The following ADGRG7 variants were observed in gnomAD, a reference collection of about 807,000 sequenced individuals.
ADGRG7 encodes G-protein coupled receptor 128.
ADGRG7 carries 82 observed loss-of-function variants against 88.6 expected under a neutral mutation model. The ratio of observed to expected loss-of-function variants is 0.93; its 90% CI spans 0.77 to 1.11. The LOEUF (loss-of-function observed/expected upper bound fraction) is 1.11, where lower values mean the gene tolerates loss of function less well. Ranked by LOEUF, ADGRG7 falls within the 50% of genes most tolerant of loss-of-function variation. The pLI is 0.00. For synonymous variants in ADGRG7, 381 were observed against 345.2 expected (o/e 1.10, Z -1.15); for missense variants, 945 against 953.4 (o/e 0.99, Z 0.12).
intron 14 of ADGRG7, among the ~76,000 whole-genome samples, chr3:100,662,218 T>A (rs1324803803): frequency 6.6e-6 from 1 of 152,136 alleles, no homozygotes; most frequent in Non-Finnish European, 1.5e-5. Context: ...TGGAAATTTT[T>A]AGCTAAAGTG....
chr3:100,629,821 AC>A, intron 2 of ADGRG7, 110 bp downstream of exon 2: 3 of 699,518 alleles, frequency 4.3e-6, no homozygotes, highest in Non-Finnish European at 7.4e-6. Context: ...GAAACAATGG[AC>A]ATAATGATGA....
At chr3:100,653,131 T>C (rs2094932130) in intron 11 of ADGRG7, among the ~76,000 whole-genome samples, 1 of 152,216 alleles carries the variant, frequency 6.6e-6, no homozygotes, top group South Asian at 2.1e-4. Context: ...GCAGAAAAGA[T>C]ATGTGAAATA....
At chr3:100,669,459 G>T (rs1329967510) in intron 15 of ADGRG7, among the ~76,000 whole-genome samples, 1 of 146,910 alleles carries the variant, frequency 6.8e-6, no homozygotes, top group African/African-American at 2.5e-5. Flanking sequence ...GCTTGAACCC[G>T]GGAGGCGGAG....
chr3:100,640,832 T>G (rs60938133), intron 6 of ADGRG7, among the ~76,000 whole-genome samples: 12,001 of 152,176 alleles, frequency 0.079, 685 homozygotes, highest in East Asian at 0.25. Flanking sequence ...GACCTCACCA[T>G]TGTAGACATT....
chr3:100,633,249 T>G lies in ADGRG7; in HGVS notation c.335-16T>G. ...ATAAATACTTATTTTTAATAAAAAA[T>G]TTCTTTGTATTAAAGCGGGCAATCC... On this transcript the variant is annotated splice_polypyrimidine_tract_variant and intron_variant, in intron 3 of 15. Transcript: ENST00000273352. The G allele has an allele frequency of 7.8e-7, 1 of 1,282,466 alleles. No homozygotes were observed. 79.4% of individuals were successfully genotyped at this position (1,282,466 alleles called of 1,614,324 possible).
Position 100,629,667 on chromosome 3 carries a change from G to T in ADGRG7, c.185G>T (p.Arg62Ile). The T allele has an allele frequency of 1.2e-6, 2 of 1,613,288 alleles. No homozygotes were observed. The highest frequency in any genetic ancestry group is 1.7e-4 in the Middle Eastern group (1 of 6,058). ...AATGGTGGAACCTGGGAAAATGGCAGATGTATTTGTACAGAAGAGTGGAAA... is the reference window on the plus strand; with the variant it reads ...AATGGTGGAACCTGGGAAAATGGCATATGTATTTGTACAGAAGAGTGGAAA... ...CRNGGTWENGRCICTEEWKGL... is the reference protein window; with the variant it reads ...CRNGGTWENGICICTEEWKGL... Residue 62 changes from arginine (R) to isoleucine (I), a missense_variant, in exon 2 of 16, where the codon AGA becomes ATA. Physicochemically the swap from Arg to Ile is moderately conservative, Grantham distance 97. Transcript: ENST00000273352.
At chr3:100,676,720 G>A (rs929923531) in intron 15 of ADGRG7, among the ~76,000 whole-genome samples, 10 of 151,838 alleles carry the variant, frequency 6.6e-5, no homozygotes, top group South Asian at 2.1e-4. Context: ...AGCTATTGTC[G>A]TATTAGGGTA....
intron 1 of ADGRG7, among the ~76,000 whole-genome samples, chr3:100,622,453 T>A (rs1707327180): frequency 6.6e-6 from 1 of 152,164 alleles, no homozygotes; most frequent in Admixed American, 6.5e-5. Context: ...TAGTGGGATG[T>A]GAAATGATAT....
chr3:100,665,471 A>G (rs2094950557), intron 14 of ADGRG7: 1 of 528,906 alleles, frequency 1.9e-6, no homozygotes, highest in African/African-American at 1.9e-5. Flanking sequence ...CCAAAGACTC[A>G]CTCATTTCCT....
chr3:100,677,159 T>C (rs1181549047), intron 15 of ADGRG7, among the ~76,000 whole-genome samples: 4 of 152,020 alleles, frequency 2.6e-5, no homozygotes, highest in African/African-American at 7.2e-5. Context: ...TCTCCTCTTC[T>C]TTTCTGTCTT....
intron 15 of ADGRG7, among the ~76,000 whole-genome samples, chr3:100,689,734 C>T (rs902489980): frequency 1.2e-4 from 18 of 152,136 alleles, no homozygotes; most frequent in South Asian, 2.1e-4. Context: ...GAGTTTCTGC[C>T]GAGAGATGTG....
intron 1 of ADGRG7, among the ~76,000 whole-genome samples, chr3:100,621,026 A>T (rs556312283): frequency 6.6e-6 from 1 of 152,170 alleles, no homozygotes; most frequent in East Asian, 1.9e-4. Context: ...CTTTGATGTT[A>T]CTATTGCAAT....
intron 10 of ADGRG7, among the ~76,000 whole-genome samples, chr3:100,647,092 G>A (rs1707765084): frequency 6.6e-6 from 1 of 151,450 alleles, no homozygotes. Context: ...GGGAGACAGA[G>A]GTTGCAGAGA....
At chr3:100,653,585 T>C (rs1044280651) in intron 11 of ADGRG7, among the ~76,000 whole-genome samples, 1 of 152,214 alleles carries the variant, frequency 6.6e-6, no homozygotes, top group African/African-American at 2.4e-5. Context: ...TTAAAAAAAC[T>C]GCCCCAAAAC....
chr3:100,619,994 T>C (rs1707284234), intron 1 of ADGRG7, among the ~76,000 whole-genome samples: 3 of 152,314 alleles, frequency 2.0e-5, no homozygotes, highest in Middle Eastern at 3.4e-3. Flanking sequence ...GAGGAGCTGG[T>C]ACCATTCCTT....
intron 8 of ADGRG7, among the ~76,000 whole-genome samples, chr3:100,645,494 C>T (rs561546927): frequency 6.6e-5 from 10 of 152,292 alleles, no homozygotes; most frequent in Admixed American, 6.5e-5. Flanking sequence ...AACAGGAGAC[C>T]GACCTCATCT....
In ADGRG7 at chr3:100,694,874, G is replaced by T; in HGVS notation, c.2267G>T (p.Arg756Leu). 3 of 1,614,158 alleles carry T rather than the reference G, an allele frequency of 1.9e-6. No homozygotes were observed. Among genetic ancestry groups the T allele is most frequent in the Non-Finnish European group, 2.5e-6 (3 of 1,180,036 alleles). ...CCTTCAGTGACGCGGCCGAGGCTGC[G>T]TGTAAAGATGTATAATTTCCTCAGG... Reference protein sequence around the residue: ...SLPSVTRPRLRVKMYNFLRSL... With the variant: ...SLPSVTRPRLLVKMYNFLRSL... The change falls in exon 16 of 16, where the codon CGT becomes CTT. Residue 756 changes from arginine to leucine, a missense_variant. Physicochemically the swap from Arg to Leu is moderately radical, Grantham distance 102. Coordinates refer to ENST00000273352, the MANE Select transcript of ADGRG7 (RefSeq NM_032787.3).
At position 100,668,972 on chromosome 3, in the gene ADGRG7, A is replaced by G. The variant is rs746281380; in HGVS notation, c.2003A>G (p.Lys668Arg). The change falls in exon 15 of 16, where the codon AAG becomes AGG. Residue 668 changes from lysine (K) to arginine (R), a missense_variant. Transcript: ENST00000273352. ...LTSTKKVSSM[K>R]KIVSTLSVAV... is the part of the protein sequence containing the mutation. ...AGCACAAAAAAAGTTTCATCCATGA[A>G]GAAGATTGTTAGCACATTATCTGTT... 4 of 1,597,366 alleles carry G rather than the reference A, an allele frequency of 2.5e-6. No individual in the cohort carries two copies. The Admixed American group carries it at 5.3e-5, about 21-fold the overall frequency.
chr3:100,645,906 A>G, intron 8 of ADGRG7, 39 bp from the exon 9 acceptor site: 1 of 1,538,234 alleles, frequency 6.5e-7, no homozygotes, highest in Non-Finnish European at 8.9e-7. Context: ...TTTACCTTAC[A>G]GTGCACTTAT....
Sources: gnomAD v4.1 joint callset for allele counts (sites outside exome capture counted in the v4.1 genomes callset) on GRCh38, gnomAD v4.1.1 for gene constraint, MANE v1.5 for transcripts, NCBI Gene and HGNC (gene_info 2026-07-23, HGNC 2026-07-21) for gene names.